The following AFTPH variants were observed in gnomAD, a reference collection of about 807,000 sequenced individuals.
The protein encoded by AFTPH is aftiphilin.
A neutral mutation model predicts 72.5 loss-of-function variants in AFTPH; 7 were observed. That is an observed-to-expected ratio of 0.10 (90% CI 0.05 to 0.18). The LOEUF (loss-of-function observed/expected upper bound fraction) is 0.18, where lower values mean the gene tolerates loss of function less well. Among genes scored for constraint, AFTPH ranks in the 10% least tolerant of loss-of-function variants. The pLI, the probability that AFTPH is intolerant of heterozygous loss-of-function variation, is 1.00. For synonymous variants in AFTPH, 337 were observed against 370.1 expected, an observed-to-expected ratio of 0.91 and a Z score of 1.03; for missense variants, 979 against 1,060.5, an observed-to-expected ratio of 0.92 and a Z score of 1.07.
chr2:64,550,715 ACACACACACACACAC>A (rs1447589566), intron 1 of AFTPH, among the ~76,000 whole-genome samples: 2 of 140,196 alleles, frequency 1.4e-5, no homozygotes, highest in African/African-American at 2.6e-5. Context: ...ACACACACAC[ACACACACACACACAC>A]AACTGGTGAA....
intron 1 of AFTPH, among the ~76,000 whole-genome samples, chr2:64,537,780 A>C (rs1669974391): frequency 6.6e-6 from 1 of 152,210 alleles, no homozygotes; most frequent in African/African-American, 2.4e-5. Context: ...CAATTCTGTA[A>C]AGAGAAAAAG....
chr2:64,581,647 A>G (rs1396064636), intron 7 of AFTPH, among the ~76,000 whole-genome samples: 2 of 150,064 alleles, frequency 1.3e-5, no homozygotes, highest in Non-Finnish European at 2.9e-5. Context: ...AGAGATAGAT[A>G]GAATATTTTA....
intron 1 of AFTPH, 88 bp downstream of exon 1, chr2:64,524,700 G>GGCCGGGAGCATCTGCCCGCCGCGGA (rs1259456959): frequency 2.1e-5 from 8 of 389,006 alleles, no homozygotes; most frequent in African/African-American, 1.4e-4. Flanking sequence ...CCCTCACCCG[G>GGCCGGGAGCATCTGCCCGCCGCGGA]GCCGGGAGCA....
At chr2:64,575,887 CA>C (rs919296297) in intron 6 of AFTPH, among the ~76,000 whole-genome samples, 1 of 151,662 alleles carries the variant, frequency 6.6e-6, no homozygotes, top group African/African-American at 2.4e-5. Flanking sequence ...TACAGGCACA[CA>C]CCACACCACC....
At chr2:64,588,137 A>G (rs1005474439) in intron 8 of AFTPH, among the ~76,000 whole-genome samples, 1 of 152,118 alleles carries the variant, frequency 6.6e-6, no homozygotes. Flanking sequence ...GGCCCTGGCA[A>G]CTACTAATCT....
intron 1 of AFTPH, among the ~76,000 whole-genome samples, chr2:64,542,285 A>G (rs1364349987): frequency 6.6e-6 from 1 of 152,156 alleles, no homozygotes; most frequent in Non-Finnish European, 1.5e-5. Context: ...AGGGTGCATG[A>G]TACTGTGTGT....
chr2:64,580,663 T>A (rs974885775), intron 7 of AFTPH: 1 of 152,718 alleles, frequency 6.5e-6, no homozygotes, highest in African/African-American at 2.4e-5. Context: ...CACATCAGGG[T>A]AGGGTAGTTA....
intron 5 of AFTPH, among the ~76,000 whole-genome samples, chr2:64,570,219 A>G (rs1167196132): frequency 1.3e-5 from 2 of 152,310 alleles, no homozygotes; most frequent in East Asian, 3.9e-4. Flanking sequence ...AGACATTTTC[A>G]TTCTGTTCCT....
At chr2:64,529,760 G>T (rs1476962556) in intron 1 of AFTPH, among the ~76,000 whole-genome samples, 1 of 151,744 alleles carries the variant, frequency 6.6e-6, no homozygotes, top group African/African-American at 2.4e-5. Context: ...CTCCTAAATA[G>T]CTGGGACCAC....
intron 1 of AFTPH, among the ~76,000 whole-genome samples, chr2:64,526,492 A>AT (rs1669273344): frequency 6.6e-6 from 1 of 152,208 alleles, no homozygotes; most frequent in African/African-American, 2.4e-5. Flanking sequence ...AAATGTTTAT[A>AT]TTCTAATTTA....
chr2:64,527,656 T>C lies in AFTPH; in HGVS notation c.-33+3044T>C, dbSNP rs960494904. On this transcript the variant is annotated intron_variant, in intron 1 of 8. Coordinates refer to ENST00000238856, the Ensembl canonical transcript of AFTPH. ...ATAAAGTATCACTCTTCTTTCAGCA[T>C]TGTATATTTAAAAAAAGGACAGGAA... Among the ~76,000 whole-genome samples, 19 of 152,326 alleles carry C rather than the reference T, an allele frequency of 1.2e-4. No homozygotes were observed. The South Asian group carries it at 3.7e-3, about 30-fold the overall frequency.
intron 2 of AFTPH, among the ~76,000 whole-genome samples, chr2:64,560,092 A>G (rs556802518): frequency 6.6e-6 from 1 of 152,320 alleles, no homozygotes; most frequent in South Asian, 2.1e-4. Context: ...GGAACACCTT[A>G]CATCCATATA....
chr2:64,556,009 A>C (rs1410486120), intron 2 of AFTPH, among the ~76,000 whole-genome samples: 2 of 122,970 alleles, frequency 1.6e-5, no homozygotes, highest in African/African-American at 9.8e-5. Context: ...TTTTTTGGAG[A>C]CAGAATCTTG....
exon 9 of AFTPH, chr2:64,592,115 TAAAAAAA>T (rs35699964): frequency 3.1e-5 from 26 of 847,348 alleles, no homozygotes; most frequent in Admixed American, 2.3e-4. Flanking sequence ...CTGCTCTAAT[TAAAAAAA>T]AAAAAAAAAA....
intron 2 of AFTPH, among the ~76,000 whole-genome samples, 167 bp from the exon 3 acceptor site, chr2:64,567,395 T>G (rs1043227556): frequency 6.6e-6 from 1 of 152,130 alleles, no homozygotes; most frequent in Non-Finnish European, 1.5e-5. Context: ...TCATTTAGAG[T>G]GATTGTTTCA....
intron 2 of AFTPH, among the ~76,000 whole-genome samples, chr2:64,556,784 C>T (rs1294618021): frequency 6.6e-6 from 1 of 152,196 alleles, no homozygotes; most frequent in East Asian, 1.9e-4. Flanking sequence ...GTGGGTCCAG[C>T]CAGTCTCAGA....
intron 1 of AFTPH, among the ~76,000 whole-genome samples, chr2:64,529,111 A>G (rs559603503): frequency 4.3e-4 from 65 of 152,300 alleles, no homozygotes; most frequent in African/African-American, 1.5e-3. Context: ...GAAAGCTTAC[A>G]GAGGCACTCC....
chr2:64,581,059 A>AAAATGTGTAATGATTACTAATT, intron 7 of AFTPH, 131 bp from the exon 8 acceptor site: 1 of 582,896 alleles, frequency 1.7e-6, no homozygotes, highest in Non-Finnish European at 3.0e-6. Context: ...GTTGATTTTT[A>AAAATGTGTAATGATTACTAATT]AAATGTGTAA....
At chr2:64,550,676 T>TACACAC in intron 1 of AFTPH, among the ~76,000 whole-genome samples, 1 of 75,980 alleles carries the variant, frequency 1.3e-5, no homozygotes, top group Admixed American at 1.5e-4. Context: ...ACTGTACGCA[T>TACACAC]GCACACACAC....
Sources: gnomAD v4.1 joint callset for allele counts (sites outside exome capture counted in the v4.1 genomes callset) on GRCh38, gnomAD v4.1.1 for gene constraint, MANE v1.5 for transcripts, NCBI Gene and HGNC (gene_info 2026-07-23, HGNC 2026-07-21) for gene names.